Variants in ZFR observed in about 807,000 individuals in gnomAD.
ZFR encodes the protein zinc finger RNA binding protein.
ZFR carries 19 observed loss-of-function variants against 130.7 expected under a neutral mutation model. The ratio of observed to expected loss-of-function variants is 0.15; its 90% CI spans 0.10 to 0.21. The LOEUF (loss-of-function observed/expected upper bound fraction) is 0.21. Among genes scored for constraint, ZFR ranks in the 10% least tolerant of loss-of-function variants. ZFR has a pLI of 1.00. For synonymous variants in ZFR, 466 were observed against 456.9 expected, an observed-to-expected ratio of 1.02 and a Z score of -0.25; for missense variants, 872 against 1,321.5, an observed-to-expected ratio of 0.66 and a Z score of 5.27.
At chr5:32,440,374 G>A (rs1754441474) in intron 2 of ZFR, among the ~76,000 whole-genome samples, 1 of 152,208 alleles carries the variant, frequency 6.6e-6, no homozygotes, top group African/African-American at 2.4e-5. Context: ...AAGGTTGGGC[G>A]CGGTGGCTCA....
intron 12 of ZFR, 95 bp from the exon 13 acceptor site, chr5:32,388,769 A>G: frequency 3.6e-6 from 4 of 1,120,374 alleles, no homozygotes; most frequent in Non-Finnish European, 5.0e-6. Context: ...TATCTTTTCA[A>G]TAAGAAAGCC....
chr5:32,424,012 G>A (rs1240362062), intron 2 of ZFR, among the ~76,000 whole-genome samples: 6 of 152,164 alleles, frequency 3.9e-5, no homozygotes, highest in Non-Finnish European at 7.3e-5. Flanking sequence ...GAAGCTACAT[G>A]AAGATATATT....
At chr5:32,415,586 T>A (rs1753810460) in intron 4 of ZFR, among the ~76,000 whole-genome samples, 1 of 150,958 alleles carries the variant, frequency 6.6e-6, no homozygotes, top group Non-Finnish European at 1.5e-5. Context: ...ACAGAATGAG[T>A]TACAATGTAC....
chr5:32,444,555 C>A, intron 1 of ZFR, 67 bp downstream of exon 1: 1 of 1,430,872 alleles, frequency 7.0e-7, no homozygotes, highest in Non-Finnish European at 9.2e-7. Context: ...CCAACCCCCG[C>A]GGCTCCCCGC....
Position 32,403,287 on chromosome 5 carries a change from A to G in ZFR, c.1335T>C (p.Ser445=). 1 of 1,614,222 alleles carries G rather than the reference A, an allele frequency of 6.2e-7. No individual in the cohort carries two copies. Among genetic ancestry groups the G allele is most frequent in the Non-Finnish European group, 8.5e-7 (1 of 1,180,040 alleles). ...TAVSASKPTA[S]PSSIAANNCT... ...AATTGTTTGCTGCAATGCTTGAAGG[A>G]GAGGCAGTCGGCTTTGAAGCAGATA... The change falls in exon 8 of 20, where the codon TCT becomes TCC. Residue 445 remains serine, a synonymous_variant. Transcript: ENST00000265069.
chr5:32,403,861 A>G, intron 7 of ZFR, 45 bp downstream of exon 7: 4 of 1,492,996 alleles, frequency 2.7e-6, no homozygotes, highest in East Asian at 4.6e-5. Flanking sequence ...AAAGTAAAAG[A>G]TAACAGAATC....
In ZFR at chr5:32,400,037, C is replaced by A; in HGVS notation, c.1683G>T (p.Val561=). The A allele has an allele frequency of 6.2e-7, 1 of 1,610,338 alleles. No individual in the cohort carries two copies. Among genetic ancestry groups the A allele is most frequent in the South Asian group, 1.1e-5 (1 of 90,244 alleles). Residue 561 remains valine (V), a synonymous_variant, in exon 9 of 20, where the codon GTG becomes GTT. Transcript: ENST00000265069. The part of the protein sequence containing the change: ...PASLAALQSD[V]QPVGHDYVEE... The stretch of plus-strand genomic sequence containing the variant: ...CCACATAATCATGGCCCACTGGCTG[C>A]ACATCACTCTGTAAAGCAGCAAGAG...
At chr5:32,392,486 C>T (rs190911901) in intron 11 of ZFR, among the ~76,000 whole-genome samples, 4 of 152,224 alleles carry the variant, frequency 2.6e-5, no homozygotes, top group African/African-American at 7.2e-5. Context: ...ACGTAAGAAA[C>T]GTCTGTACAA....
rs146353911 is a variant in ZFR, at chr5:32,355,774, A to C, written c.3211T>G (p.Tyr1071Asp). The change falls in exon 20 of 20, where the codon TAT (tyrosine) becomes GAT (aspartate). Residue 1071 changes from tyrosine (Y) to aspartate (D), a missense_variant. Around this residue, in one of 7 missense-constraint regions of ZFR, gnomAD observed 158 missense variants for 264.0 expected, o/e 0.60. Transcript: ENST00000265069. ...EAEGKKDKKD[Y>D]DNF ...ACAGACACTTTTTAAAAGTTATCAT[A>C]ATCTTTTTTGTCTTTTTTCCCCTCA... The C allele has an allele frequency of 1.9e-6, 3 of 1,585,452 alleles. No individual in the cohort carries two copies. Among genetic ancestry groups the C allele is most frequent in the Non-Finnish European group, 8.5e-7 (1 of 1,170,632 alleles).
chr5:32,443,497 A>G (rs944470833), intron 2 of ZFR, among the ~76,000 whole-genome samples: 4 of 152,266 alleles, frequency 2.6e-5, no homozygotes, highest in African/African-American at 9.6e-5. Flanking sequence ...AAGGCTGGGC[A>G]CTCATTTATC....
chr5:32,422,871 T>C (rs900113044), intron 2 of ZFR, among the ~76,000 whole-genome samples: 2 of 145,472 alleles, frequency 1.4e-5, no homozygotes, highest in South Asian at 4.4e-4. Context: ...AAGAGTACTT[T>C]CCCTGAGGAG....
At chr5:32,433,703 C>T (rs985494278) in intron 2 of ZFR, among the ~76,000 whole-genome samples, 5 of 152,156 alleles carry the variant, frequency 3.3e-5, no homozygotes, top group Non-Finnish European at 7.4e-5. Context: ...TTTTTCCAAT[C>T]ACTTTTATAT....
At chr5:32,358,477 G>A (rs575412751) in intron 19 of ZFR, among the ~76,000 whole-genome samples, 8 of 152,158 alleles carry the variant, frequency 5.3e-5, no homozygotes, top group Admixed American at 2.0e-4. Context: ...TGGCTAACAC[G>A]GTGAAACCCC....
intron 2 of ZFR, among the ~76,000 whole-genome samples, chr5:32,438,421 G>A (rs559681474): frequency 1.3e-5 from 2 of 151,666 alleles, no homozygotes; most frequent in Non-Finnish European, 1.5e-5. Flanking sequence ...GCACCACCAC[G>A]CCTGGCTAAT....
In ZFR at chr5:32,383,769, T is replaced by C. The variant is rs769102512; in HGVS notation, c.2641+1739A>G. 8.8e-6 allele frequency: 4 copies of C among 456,614 alleles called. No homozygotes were observed. In the East Asian group the frequency reaches 2.1e-4, roughly 24 times the overall value. 28.3% of individuals were successfully genotyped at this position (456,614 alleles called of 1,614,324 possible). A position where few individuals can be genotyped will look rare whatever the true frequency, so the allele number is the denominator to read the frequency against. On this transcript the variant is annotated intron_variant, in intron 15 of 19. Transcript: ENST00000265069. Reference sequence around the variant, plus strand: ...TGAGAGAGAATACATACCGTTATTCTGCAGCAAGAAAGAAGCAATCTTCAT... The same window carrying C: ...TGAGAGAGAATACATACCGTTATTCCGCAGCAAGAAAGAAGCAATCTTCAT...
intron 19 of ZFR, among the ~76,000 whole-genome samples, chr5:32,356,781 A>C (rs1752324342): frequency 6.6e-6 from 1 of 152,160 alleles, no homozygotes; most frequent in Admixed American, 6.5e-5. Context: ...TGTGCACTTA[A>C]TGTGACAAGT....
chr5:32,377,413 C>A (rs948278688), intron 17 of ZFR, among the ~76,000 whole-genome samples: 3 of 151,294 alleles, frequency 2.0e-5, no homozygotes, highest in African/African-American at 7.3e-5. Flanking sequence ...ATCTTCTGAC[C>A]TTGTGATCCA....
chr5:32,385,704 AGCACTTTCAT>A, intron 14 of ZFR, 55 bp from the exon 15 acceptor site: 1 of 1,593,582 alleles, frequency 6.3e-7, no homozygotes, highest in Non-Finnish European at 8.6e-7. Context: ...AACAAACAAA[AGCACTTTCAT>A]TATGGCTCTT....
At position 32,379,171 on chromosome 5, in the gene ZFR, G is replaced by GT; in HGVS notation, c.2778dup (p.Arg927ThrfsTer15). 6.2e-7 allele frequency: 1 copy of GT among 1,613,962 alleles called. No homozygotes were observed. The highest frequency in any genetic ancestry group is 8.5e-7 in the Non-Finnish European group (1 of 1,179,940). On this transcript the variant is annotated frameshift_variant, in exon 17 of 20. Transcript: ENST00000265069. LOFTEE classifies it high-confidence loss of function. ...CGCTGACAGAGGTCTCGAAGAATGC[G>GT]TATGATAATCACACAGGACTGCAGA...
Sources: gnomAD v4.1 joint callset for allele counts (sites outside exome capture counted in the v4.1 genomes callset) on GRCh38, gnomAD v4.1.1 for gene constraint, gnomAD v4.1.1 regional missense constraint, MANE v1.5 for transcripts, NCBI Gene and HGNC (gene_info 2026-07-23, HGNC 2026-07-21) for gene names.